Variants in CREB3L2 observed in about 807,000 individuals in gnomAD.
The protein encoded by CREB3L2 is cyclic AMP-responsive element-binding protein 3-like protein 2.
CREB3L2 carries 23 observed loss-of-function variants against 57.2 expected under a neutral mutation model. That is an observed-to-expected ratio of 0.40 (90% CI 0.29 to 0.57). The LOEUF (loss-of-function observed/expected upper bound fraction) is 0.57, where lower values mean the gene tolerates loss of function less well. Ranked by LOEUF, CREB3L2 falls within the 20% of genes least tolerant of loss-of-function variation. The pLI is 0.42. For missense variants in CREB3L2, 628 were observed against 634.7 expected (o/e 0.99, Z 0.11); for synonymous variants, 268 against 265.1 (o/e 1.01, Z -0.11).
intron 1 of CREB3L2, chr7:137,956,656 T>C (rs753456235): frequency 1.3e-4 from 165 of 1,285,538 alleles, no homozygotes; most frequent in Middle Eastern, 6.4e-4. Flanking sequence ...GTAAGCCATA[T>C]TGAAACAGCA....
At chr7:137,903,084 A>AT (rs1799797360) in intron 7 of CREB3L2, among the ~76,000 whole-genome samples, 1 of 152,168 alleles carries the variant, frequency 6.6e-6, no homozygotes, top group Non-Finnish European at 1.5e-5. Flanking sequence ...AAGCACGGGG[A>AT]TTATAAGAGT....
chr7:137,879,036 C>A lies in CREB3L2; in HGVS notation c.*1440G>T, dbSNP rs1255733559. On this transcript the variant is annotated 3_prime_UTR_variant, in exon 12 of 12. Transcript: ENST00000330387. ...ATACAAACTCTATGCACATTTCCTA[C>A]ACAAAATCTTTCCCAAGCTCGGAAA... The A allele has an allele frequency of 2.3e-6, 1 of 435,474 alleles. No homozygotes were observed. The highest frequency in any genetic ancestry group is 4.3e-6 in the Non-Finnish European group (1 of 232,224). 27.0% of individuals were successfully genotyped at this position (435,474 alleles called of 1,614,324 possible). A position where few individuals can be genotyped will look rare whatever the true frequency, so the allele number is the denominator to read the frequency against.
At chr7:137,922,451 TATACACAC>T (rs1800343844) in intron 2 of CREB3L2, 1 of 101,794 alleles carries the variant, frequency 9.8e-6, no homozygotes, top group African/African-American at 9.4e-5. Context: ...TATATATATA[TATACACAC>T]ATATATATAT....
At chr7:137,922,263 C>A (rs981878069) in intron 2 of CREB3L2, among the ~76,000 whole-genome samples, 6 of 150,892 alleles carry the variant, frequency 4.0e-5, no homozygotes, top group Middle Eastern at 3.4e-3. Flanking sequence ...GCACAGACCA[C>A]AGATTTTTTC....
chr7:137,895,760 A>G (rs2117190602), intron 8 of CREB3L2, among the ~76,000 whole-genome samples: 1 of 152,268 alleles, frequency 6.6e-6, no homozygotes, highest in African/African-American at 2.4e-5. Flanking sequence ...AAAAAAGTAA[A>G]GAGGTATCAT....
At chr7:137,997,401 A>G (rs115685523) in intron 1 of CREB3L2, among the ~76,000 whole-genome samples, 1,758 of 152,294 alleles carry the variant, frequency 0.012, 37 homozygotes, top group African/African-American at 0.04. Context: ...TACATTTTAA[A>G]ATTTATAGAT....
At chr7:137,937,487 T>C (rs992312407) in intron 1 of CREB3L2, among the ~76,000 whole-genome samples, 1 of 151,946 alleles carries the variant, frequency 6.6e-6, no homozygotes, top group Non-Finnish European at 1.5e-5. Flanking sequence ...ACAAGTACCC[T>C]GCACACAACA....
chr7:137,941,767 T>C (rs372366547), intron 1 of CREB3L2, among the ~76,000 whole-genome samples: 3 of 152,356 alleles, frequency 2.0e-5, no homozygotes, highest in African/African-American at 7.2e-5. Flanking sequence ...TGTTTCTCTA[T>C]TCATTTAGAA....
chr7:137,909,394 G>A (rs924171452), intron 4 of CREB3L2, among the ~76,000 whole-genome samples: 1 of 152,194 alleles, frequency 6.6e-6, no homozygotes, highest in South Asian at 2.1e-4. Flanking sequence ...TTCTGAAGGA[G>A]GAATCCAACC....
At chr7:137,977,547 T>C (rs1232118403) in intron 1 of CREB3L2, among the ~76,000 whole-genome samples, 2 of 152,138 alleles carry the variant, frequency 1.3e-5, no homozygotes, top group Non-Finnish European at 2.9e-5. Context: ...AATTTCATTT[T>C]GAAGGCAATA....
At position 137,905,789 on chromosome 7, in the gene CREB3L2, A is replaced by G. The variant is rs570785558; in HGVS notation, c.828T>C (p.Ala276=). 1 of 1,614,126 alleles carries G rather than the reference A, an allele frequency of 6.2e-7. No homozygotes were observed. Among genetic ancestry groups the G allele is most frequent in the South Asian group, 1.1e-5 (1 of 91,082 alleles). ...ATTTGGTGGGGATGGGATAGCCCTC[A>G]GCGATCAGGGTCCTCTTCTCCTCCT... ...LTEEEKRTLI[A]EGYPIPTKLP... Residue 276 remains alanine (A), a synonymous_variant, in exon 6 of 12, where the codon GCT becomes GCC. Transcript: ENST00000330387.
chr7:137,952,718 C>T (rs953585316), intron 1 of CREB3L2, among the ~76,000 whole-genome samples: 5 of 152,222 alleles, frequency 3.3e-5, no homozygotes, highest in Non-Finnish European at 7.3e-5. Flanking sequence ...TAAGTTTTTC[C>T]TGATTCCTCT....
At chr7:137,966,147 T>A (rs1030318802) in intron 1 of CREB3L2, among the ~76,000 whole-genome samples, 1 of 152,130 alleles carries the variant, frequency 6.6e-6, no homozygotes, top group Non-Finnish European at 1.5e-5. Flanking sequence ...CCAAAGAAGA[T>A]ACAGATCAGA....
At chr7:137,960,125 C>A (rs1441241060) in intron 1 of CREB3L2, among the ~76,000 whole-genome samples, 4 of 152,112 alleles carry the variant, frequency 2.6e-5, no homozygotes, top group Admixed American at 2.0e-4. Flanking sequence ...ATAACCAACC[C>A]ATTAGATAAG....
Position 137,879,360 on chromosome 7 carries a change from C to G in CREB3L2, c.*1116G>C, listed in dbSNP as rs1799236065. The G allele has an allele frequency of 4.1e-6, 2 of 489,920 alleles. No homozygotes were observed. The highest frequency in any genetic ancestry group is 3.4e-5 in the South Asian group (2 of 58,362). The allele number at this position is 489,920 out of a possible 1,614,324, so 30.3% of individuals were successfully genotyped here. ...AGTGTGGAGGGAGGAGGGGGCCAGG[C>G]AGGTGTGGAAAGCCAGCAAGGTTGT... On this transcript the variant is annotated 3_prime_UTR_variant, in exon 12 of 12. Coordinates refer to ENST00000330387, the MANE Select transcript of CREB3L2 (RefSeq NM_194071.4).
intron 1 of CREB3L2, among the ~76,000 whole-genome samples, chr7:137,969,233 G>T (rs999253308): frequency 6.6e-6 from 1 of 151,918 alleles, no homozygotes; most frequent in African/African-American, 2.4e-5. Flanking sequence ...ATCAGAAAAA[G>T]AGGTGGCTAT....
At chr7:137,904,106 C>CAAA in intron 6 of CREB3L2, 89 bp from the exon 7 acceptor site, 1 of 1,065,320 alleles carries the variant, frequency 9.4e-7, no homozygotes. Context: ...TAGAAGTCAC[C>CAAA]AAAGCCCTGC....
chr7:137,994,301 C>A (rs929710290), intron 1 of CREB3L2, among the ~76,000 whole-genome samples: 1 of 152,198 alleles, frequency 6.6e-6, no homozygotes. Context: ...CACATGTGCC[C>A]TCATCAATAT....
intron 8 of CREB3L2, among the ~76,000 whole-genome samples, chr7:137,890,774 T>C (rs1207141342): frequency 6.6e-6 from 1 of 152,212 alleles, no homozygotes; most frequent in Non-Finnish European, 1.5e-5. Context: ...CTGAGACAGA[T>C]GTCACTGCCT....
Sources: allele counts gnomAD v4.1 joint callset (sites outside exome capture counted in the v4.1 genomes callset), GRCh38; gene constraint gnomAD v4.1.1; transcripts MANE v1.5; gene names NCBI Gene and HGNC (gene_info 2026-07-23, HGNC 2026-07-21).